EIF3C: variants seen among roughly 807,000 people sequenced by gnomAD.
EIF3C encodes the protein cell migration-inducing protein 17.
In EIF3C, 2 loss-of-function variants were observed where a neutral mutation model predicts 11.1. The ratio of observed to expected loss-of-function variants is 0.18; its 90% CI spans 0.07 to 0.57. The LOEUF (loss-of-function observed/expected upper bound fraction) is 0.57. Among genes scored for constraint, EIF3C ranks in the 20% least tolerant of loss-of-function variants. EIF3C has a pLI of 0.92. For missense variants in EIF3C, 16 were observed against 114.6 expected (o/e 0.14, Z 3.93); for synonymous variants, 2 against 41.5 (o/e 0.05, Z 3.66).
At chr16:28,697,873 A>C (rs1378489728) in intron 1 of EIF3C, among the ~76,000 whole-genome samples, 1 of 67,866 alleles carries the variant, frequency 1.5e-5, no homozygotes, top group Non-Finnish European at 2.7e-5. Flanking sequence ...CGGGGGGCTG[A>C]CCCCCCAACC....
At chr16:28,698,579 G>A (rs1427950960) in intron 1 of EIF3C, among the ~76,000 whole-genome samples, 10 of 67,592 alleles carry the variant, frequency 1.5e-4, no homozygotes, top group East Asian at 1.1e-3. Flanking sequence ...GGGCGGAGAC[G>A]CTCCTCACTT....
Position 28,698,378 on chromosome 16 carries a change from G to A in EIF3C, c.-31+9550G>A, listed in dbSNP as rs1246063355. ...CCCGGACGGGGCGGCTGGCCGGGTG[G>A]GGGGCTGACCCTCCCACCTCCCTCC... On this transcript the variant is annotated intron_variant, in intron 1 of 20. Transcript: ENST00000566501. Among the ~76,000 whole-genome samples the A allele has an allele frequency of 3.9e-5, 4 of 101,506 alleles. 1 individual carries two copies. The highest frequency in any genetic ancestry group is 1.0e-4 in the African/African-American group (2 of 19,290). 66.6% of individuals were successfully genotyped at this position (101,506 alleles called of 152,430 possible).
intron 16 of EIF3C, among the ~76,000 whole-genome samples, chr16:28,732,701 GT>G (rs2048456140): frequency 7.1e-6 from 1 of 139,974 alleles, no homozygotes; most frequent in South Asian, 2.3e-4. Context: ...GCTGAGCCCA[GT>G]GTCCACAGCC....
chr16:28,732,644 C>T (rs2151803437), intron 16 of EIF3C, among the ~76,000 whole-genome samples: 1 of 112,556 alleles, frequency 8.9e-6, no homozygotes, highest in East Asian at 2.4e-4. Flanking sequence ...AGGAATTGAG[C>T]TGCGCCCTTC....
At chr16:28,700,486 G>A in intron 1 of EIF3C, 1 of 343,262 alleles carries the variant, frequency 2.9e-6, no homozygotes, top group Non-Finnish European at 5.3e-6. Context: ...TCGCATTGAA[G>A]CCCTTTTGGA....
chr16:28,729,976 G>A (rs1296960839), intron 15 of EIF3C, among the ~76,000 whole-genome samples: 4 of 150,362 alleles, frequency 2.7e-5, no homozygotes, highest in South Asian at 2.1e-4. Flanking sequence ...AGAAATACCC[G>A]GTTACTTCTC....
chr16:28,722,942 A>G, intron 8 of EIF3C: 2 of 742,318 alleles, frequency 2.7e-6, no homozygotes, highest in Non-Finnish European at 4.3e-6. Flanking sequence ...TACCATGCTT[A>G]GCTGACAGGT....
rs569141957 is a variant in EIF3C, at chr16:28,700,876, T to A, written c.-30-10781T>A. 134 of 212,728 alleles carry A rather than the reference T, an allele frequency of 6.3e-4. 17 individuals are homozygous for A. The highest frequency in any genetic ancestry group is 2.0e-3 in the Middle Eastern group (1 of 506). 13.2% of individuals were successfully genotyped at this position (212,728 alleles called of 1,614,324 possible). A position where few individuals can be genotyped will look rare whatever the true frequency, so the allele number is the denominator to read the frequency against. ...GACCATCTTCTCATCAGGCTTGGTG[T>A]TCACCATGCTCCTGCTAAAGCCGTC... On this transcript the variant is annotated intron_variant, in intron 1 of 20. Transcript: ENST00000566501.
intron 1 of EIF3C, among the ~76,000 whole-genome samples, chr16:28,697,718 C>A (rs1252044899): frequency 1.1e-5 from 1 of 90,742 alleles, no homozygotes; most frequent in Admixed American, 9.3e-5. Context: ...ACCTCCCAGA[C>A]GGGGTGGTGG....
chr16:28,698,243 C>T (rs1488602632), intron 1 of EIF3C, among the ~76,000 whole-genome samples: 2 of 126,936 alleles, frequency 1.6e-5, no homozygotes, highest in African/African-American at 6.1e-5. Flanking sequence ...GGGCGGCTGG[C>T]CGGGTGGGGG....
chr16:28,700,937 G>A, intron 1 of EIF3C: 1 of 192,530 alleles, frequency 5.2e-6, no homozygotes, highest in Non-Finnish European at 8.9e-6. Context: ...GTCTTGCTCT[G>A]TCGCCCAGGC....
rs551603890 is a variant in EIF3C at position 28,700,923 on chromosome 16, C to G, written c.-30-10734C>G. On this transcript the variant is annotated intron_variant, in intron 1 of 20. Coordinates refer to the EIF3C transcript ENST00000566501. ...CGTCTTTTCTTTTTTTTTTTTGAGA[C>G]GGAGTCTTGCTCTGTCGCCCAGGCT... 9.7e-6 allele frequency: 2 copies of G among 206,438 alleles called. 1 individual carries two copies. The highest frequency in any genetic ancestry group is 1.7e-5 in the Non-Finnish European group (2 of 120,496). 12.8% of individuals were successfully genotyped at this position (206,438 alleles called of 1,614,324 possible). A position where few individuals can be genotyped will look rare whatever the true frequency, so the allele number is the denominator to read the frequency against.
rs1408437476 is a variant in EIF3C at position 28,698,515 on chromosome 16, T to A, written c.-31+9687T>A. Among the ~76,000 whole-genome samples the A allele has an allele frequency of 2.4e-5, 2 of 82,718 alleles. 1 individual carries two copies. Among genetic ancestry groups the A allele is most frequent in the Non-Finnish European group, 4.2e-5 (2 of 47,720 alleles). The allele number at this position is 82,718 out of a possible 152,430, so 54.3% of individuals were successfully genotyped here. A position where few individuals can be genotyped will look rare whatever the true frequency, so the allele number is the denominator to read the frequency against. ...CCACCTCCCTCCCGGATGGGGCGGC[T>A]GGCTGGGCGGGGGGCTGACCCCCCC... On this transcript the variant is annotated intron_variant, in intron 1 of 20. Transcript: ENST00000566501.
intron 1 of EIF3C, among the ~76,000 whole-genome samples, chr16:28,697,821 T>C: frequency 1.1e-5 from 1 of 88,252 alleles, no homozygotes; most frequent in Non-Finnish European, 2.1e-5. Context: ...GCAGGGGGGC[T>C]GACCCCCCCC....
rs745597348 is a variant in EIF3C at position 28,700,376 on chromosome 16, C to T, written c.-30-11281C>T. ...CACTCCTCCTCTCCCTCCTTGGCCT[C>T]GCTGACCTCAGAGTTGGGGACCCGG... On this transcript the variant is annotated intron_variant, in intron 1 of 20. Coordinates refer to the EIF3C transcript ENST00000566501. 10 of 378,132 alleles carry T rather than the reference C, an allele frequency of 2.6e-5. 2 individuals are homozygous for T. Among genetic ancestry groups the T allele is most frequent in the Admixed American group, 1.5e-4 (6 of 40,222 alleles). The allele number at this position is 378,132 out of a possible 1,614,324, so 23.4% of individuals were successfully genotyped here.
At chr16:28,697,054 T>C (rs1596702662) in intron 1 of EIF3C, among the ~76,000 whole-genome samples, 1 of 29,486 alleles carries the variant, frequency 3.4e-5, no homozygotes, top group African/African-American at 2.9e-4. Flanking sequence ...AACCTCCACC[T>C]CCTTGGTTCA....
chr16:28,727,388 C>T (rs2151799035), intron 15 of EIF3C, 143 bp downstream of exon 15: 1 of 24,920 alleles, frequency 4.0e-5, no homozygotes, highest in South Asian at 1.1e-3. Context: ...ATCCTGCAGT[C>T]CTCCTGCATG....
At chr16:28,700,556 T>A in intron 1 of EIF3C, 1 of 293,946 alleles carries the variant, frequency 3.4e-6, no homozygotes, top group Non-Finnish European at 6.3e-6. Context: ...CCAAGCTGCT[T>A]CTTGAGCTCC....
At chr16:28,700,162 G>A (rs925436538) in intron 1 of EIF3C, 2 of 191,858 alleles carry the variant, frequency 1.0e-5, no homozygotes, top group African/African-American at 1.3e-4. Flanking sequence ...GGAAGGCCTG[G>A]CAGGCCCCCA....
Sources: gnomAD v4.1 joint callset for allele counts (sites outside exome capture counted in the v4.1 genomes callset) on GRCh38, gnomAD v4.1.1 for gene constraint, MANE v1.5 for transcripts, NCBI Gene and HGNC (gene_info 2026-07-23, HGNC 2026-07-21) for gene names.